Variants in TET3 observed in about 807,000 individuals in gnomAD.
TET3 encodes tet methylcytosine dioxygenase 3.
Under a neutral mutation model 141.4 loss-of-function variants are expected in TET3, and 19 were observed. The observed-to-expected ratio is 0.13, with a 90% confidence interval of 0.09 to 0.20. The LOEUF (loss-of-function observed/expected upper bound fraction) is 0.20. Among genes scored for constraint, TET3 ranks in the 10% least tolerant of loss-of-function variants. The pLI is 1.00. For missense variants in TET3, 1,874 were observed against 2,356.9 expected (o/e 0.80, Z 4.24); for synonymous variants, 1,043 against 980.9 (o/e 1.06, Z -1.18).
rs1456985534 is a variant in TET3, at chr2:74,067,409, G to C, written c.2495-6140G>C. 3.3e-5 allele frequency among the ~76,000 whole-genome samples: 5 copies of C among 152,306 alleles called. No homozygotes were observed. The East Asian group carries it at 9.6e-4, about 29-fold the overall frequency. On this transcript the variant is annotated intron_variant, in intron 4 of 11. Transcript: ENST00000409262. ...GACAACAGCTACCTGTTGAGCTTAT[G>C]TTATGTGCCAAATACTGTGCTAAGC...
rs750380493 is a variant in TET3 at position 74,047,355 on chromosome 2, C to A, written c.1438C>A (p.Arg480=). 1.2e-6 allele frequency: 2 copies of A among 1,613,968 alleles called. No individual in the cohort carries two copies. The highest frequency in any genetic ancestry group is 3.3e-5 in the Admixed American group (2 of 60,022). ...TGATTACATCCAGTCAGTATTCAAG[C>A]GGCCTGAGGCCCTGCCTACCAAGCC... ...ASDYIQSVFK[R]PEALPTKPKV... Residue 480 remains arginine (R), a synonymous_variant, in exon 4 of 12, where the codon CGG becomes AGG. Coordinates refer to ENST00000409262, the MANE Select transcript of TET3 (RefSeq NM_001287491.2).
intron 2 of TET3, among the ~76,000 whole-genome samples, chr2:73,999,656 G>A (rs1442190294): frequency 6.6e-6 from 1 of 152,310 alleles, no homozygotes; most frequent in East Asian, 1.9e-4. Context: ...AGGGTCTGGG[G>A]GTTGTGATAG....
chr2:74,099,164 A>G (rs1691016508), intron 10 of TET3, 112 bp from the exon 11 acceptor site: 1 of 963,298 alleles, frequency 1.0e-6, no homozygotes, highest in African/African-American at 1.6e-5. Flanking sequence ...AGTGGCTGGT[A>G]TTGGGATTGT....
At chr2:73,987,117 G>C (rs1364589823) in intron 2 of TET3, among the ~76,000 whole-genome samples, 2 of 152,202 alleles carry the variant, frequency 1.3e-5, no homozygotes, top group Non-Finnish European at 2.9e-5. Context: ...TGGATTGACA[G>C]GGTGGTTTTA....
At chr2:74,024,223 G>C (rs1558721517) in intron 3 of TET3, among the ~76,000 whole-genome samples, 5 of 152,222 alleles carry the variant, frequency 3.3e-5, no homozygotes, top group Admixed American at 1.3e-4. Flanking sequence ...TGCCTTCCCA[G>C]GGCCCTACTC....
chr2:74,048,027 G>C lies in TET3; in HGVS notation c.2110G>C (p.Asp704His). Reference sequence around the variant, plus strand: ...CTCCACTGGCCCTCTTCCCCCTGCCGATGACAAGCTGGAAGAGCTCATCCG... The same window carrying C: ...CTCCACTGGCCCTCTTCCCCCTGCCCATGACAAGCTGGAAGAGCTCATCCG... The part of the protein sequence containing the change: ...PGSTGPLPPA[D>H]DKLEELIRQF... The change falls in exon 4 of 12, where the codon GAT becomes CAT. Residue 704 changes from aspartate (D) to histidine (H), a missense_variant. This residue lies in a region of TET3 where 484 missense variants were observed against 462.2 expected (regional missense o/e 1.05). Coordinates refer to ENST00000409262, the MANE Select transcript of TET3 (RefSeq NM_001287491.2). The C allele has an allele frequency of 6.2e-7, 1 of 1,609,106 alleles. No individual in the cohort carries two copies. Among genetic ancestry groups the C allele is most frequent in the Non-Finnish European group, 8.5e-7 (1 of 1,177,620 alleles).
intron 3 of TET3, among the ~76,000 whole-genome samples, chr2:74,028,453 C>A (rs1325043080): frequency 2.0e-5 from 3 of 152,150 alleles, no homozygotes; most frequent in South Asian, 4.1e-4. Context: ...TTAGTTCTTA[C>A]ACTTGGGTCT....
chr2:73,985,461 C>T (rs1351947700), intron 1 of TET3, among the ~76,000 whole-genome samples: 2 of 143,320 alleles, frequency 1.4e-5, no homozygotes, highest in African/African-American at 5.0e-5. Context: ...CCTCCCCGCG[C>T]CCCTCGGCGG....
chr2:74,093,803 C>A lies in TET3; in HGVS notation c.3267+137C>A. 1 of 1,175,622 alleles carries A rather than the reference C, an allele frequency of 8.5e-7. No individual in the cohort carries two copies. Among genetic ancestry groups the A allele is most frequent in the Non-Finnish European group, 1.1e-6 (1 of 893,390 alleles). The allele number at this position is 1,175,622 out of a possible 1,614,324, so 72.8% of individuals were successfully genotyped here. On this transcript the variant is annotated intron_variant, in intron 10 of 11. Transcript: ENST00000409262. The surrounding 1 kb of genome is among the most constrained non-coding windows in gnomAD (Gnocchi z 4.2). ...CCTCAGAACTCTGGAAGGTTCCCTG[C>A]AAGACGGCCTGCCTTCGCCCACCTC...
rs1360972361 is a variant in TET3, at chr2:74,107,490, A to G, written c.*5314A>G. The G allele has an allele frequency of 6.6e-6, 1 of 152,164 alleles. No homozygotes were observed. 9.4% of individuals were successfully genotyped at this position (152,164 alleles called of 1,614,324 possible). On this transcript the variant is annotated 3_prime_UTR_variant, in exon 12 of 12. Transcript: ENST00000409262. ...TTTAAATTAAGAAACTAATTGGCTC[A>G]TGTGAACATTCCAAATTTTCTTGGT...
intron 3 of TET3, among the ~76,000 whole-genome samples, chr2:74,042,961 A>G (rs1370281799): frequency 6.6e-6 from 1 of 152,148 alleles, no homozygotes; most frequent in African/African-American, 2.4e-5. Flanking sequence ...TTTCCTTCCC[A>G]GGGAATTCAG....
chr2:74,105,104 C>A lies in TET3; in HGVS notation c.*2928C>A. 2.5e-6 allele frequency: 1 copy of A among 398,526 alleles called. No individual in the cohort carries two copies. The highest frequency in any genetic ancestry group is 3.6e-5 in the East Asian group (1 of 28,088). 24.7% of individuals were successfully genotyped at this position (398,526 alleles called of 1,614,324 possible). A position where few individuals can be genotyped will look rare whatever the true frequency, so the allele number is the denominator to read the frequency against. On this transcript the variant is annotated 3_prime_UTR_variant, in exon 12 of 12. Coordinates refer to ENST00000409262, the MANE Select transcript of TET3 (RefSeq NM_001287491.2). Reference sequence around the variant, plus strand: ...ATCAAATTTTTATTTTTTACTGGCACTATCATTTTTTAAGTCCTAAAGATG... The same window carrying A: ...ATCAAATTTTTATTTTTTACTGGCAATATCATTTTTTAAGTCCTAAAGATG...
chr2:74,084,077 A>G (rs963005171), intron 6 of TET3, among the ~76,000 whole-genome samples: 17 of 152,248 alleles, frequency 1.1e-4, no homozygotes, highest in Admixed American at 8.5e-4. Context: ...CTGATAGCCA[A>G]AATACACATA....
chr2:74,110,067 A>G (rs1001258604), downstream of TET3, among the ~76,000 whole-genome samples: 4 of 152,212 alleles, frequency 2.6e-5, no homozygotes, highest in Non-Finnish European at 5.9e-5. Context: ...CATTCGGGAC[A>G]TAGCAAGTAA....
chr2:74,023,707 C>T (rs1014101853), intron 3 of TET3, among the ~76,000 whole-genome samples: 5 of 152,208 alleles, frequency 3.3e-5, no homozygotes, highest in Admixed American at 6.5e-5. Context: ...ATTTCTATGA[C>T]TTCTTGAATA....
intron 10 of TET3, among the ~76,000 whole-genome samples, chr2:74,094,469 G>A (rs766582705): frequency 3.9e-5 from 6 of 152,204 alleles, no homozygotes; most frequent in African/African-American, 1.4e-4. Flanking sequence ...ATGGGAAGCT[G>A]TTGAGGGCTT....
Position 74,002,811 on chromosome 2 carries a change from G to C in TET3, c.304-299G>C, listed in dbSNP as rs998091704. 7 of 571,642 alleles carry C rather than the reference G, an allele frequency of 1.2e-5. No individual in the cohort carries two copies. In the South Asian group the frequency reaches 1.5e-4, roughly 12 times the overall value. 35.4% of individuals were successfully genotyped at this position (571,642 alleles called of 1,614,324 possible). A position where few individuals can be genotyped will look rare whatever the true frequency, so the allele number is the denominator to read the frequency against. On this transcript the variant is annotated intron_variant, in intron 2 of 11. Transcript: ENST00000409262. ...GAGGAGGCCGGCCGAGGTAGAGCGCGCGGGGCCGGGGATGGCCGGGCGGAC... is the reference window on the plus strand; with the variant it reads ...GAGGAGGCCGGCCGAGGTAGAGCGCCCGGGGCCGGGGATGGCCGGGCGGAC...
chr2:74,019,819 G>T (rs1685938686), intron 3 of TET3, among the ~76,000 whole-genome samples: 1 of 152,210 alleles, frequency 6.6e-6, no homozygotes, highest in Non-Finnish European at 1.5e-5. Context: ...GCAGACATCA[G>T]GGAGGAGCCC....
At chr2:74,053,907 A>C (rs753960802) in intron 4 of TET3, among the ~76,000 whole-genome samples, 9 of 152,160 alleles carry the variant, frequency 5.9e-5, no homozygotes, top group Non-Finnish European at 1.2e-4. Context: ...AACAATGACT[A>C]TTTGGACACC....
Sources: gnomAD v4.1 joint callset for allele counts (sites outside exome capture counted in the v4.1 genomes callset) on GRCh38, gnomAD v4.1.1 for gene constraint, gnomAD v4.1.1 regional missense constraint, Gnocchi (gnomAD v3.1) non-coding constraint, MANE v1.5 for transcripts, NCBI Gene and HGNC (gene_info 2026-07-23, HGNC 2026-07-21) for gene names.